The following SAMD12 variants were observed in gnomAD, a reference collection of about 807,000 sequenced individuals.
The protein encoded by SAMD12 is sterile alpha motif domain containing 12.
Under a neutral mutation model 15.0 loss-of-function variants are expected in SAMD12, and 9 were observed. That is an observed-to-expected ratio of 0.60 (90% CI 0.36 to 1.05). The LOEUF (loss-of-function observed/expected upper bound fraction) is 1.05. Ranked by LOEUF, SAMD12 falls within the 50% of genes least tolerant of loss-of-function variation. The probability of loss-of-function intolerance (pLI) is 0.01; values close to 1 mark genes in which losing one functional copy is unlikely to be tolerated. For missense variants in SAMD12, 230 were observed against 234.2 expected (o/e 0.98, Z 0.12); for synonymous variants, 86 against 90.1 (o/e 0.96, Z 0.25).
intron 2 of SAMD12, among the ~76,000 whole-genome samples, chr8:118,557,673 T>A (rs1279338235): frequency 6.6e-6 from 1 of 152,200 alleles, no homozygotes; most frequent in Admixed American, 6.5e-5. Context: ...TTTGTCAAAT[T>A]TTGAGATTAT....
At chr8:118,299,001 A>G (rs1178475022) in intron 4 of SAMD12, among the ~76,000 whole-genome samples, 1 of 152,164 alleles carries the variant, frequency 6.6e-6, no homozygotes, top group Non-Finnish European at 1.5e-5. Flanking sequence ...TTGGTTTCAT[A>G]TAAGGTAGTG....
At chr8:118,166,007 T>C in the SAMD12 span, among the ~76,000 whole-genome samples, 4 of 152,112 alleles carry the variant, frequency 2.6e-5, no homozygotes, top group Admixed American at 1.3e-4. Flanking sequence ...CAATAAATAA[T>C]AGCCATTTTA....
chr8:118,447,687 TTTA>T (rs1036143540), intron 2 of SAMD12, among the ~76,000 whole-genome samples: 1 of 144,252 alleles, frequency 6.9e-6, no homozygotes, highest in African/African-American at 2.7e-5. Flanking sequence ...ATTTTATTTT[TTTA>T]TTTTTTATTT....
At chr8:118,250,648 C>G (rs999494096) in intron 4 of SAMD12, among the ~76,000 whole-genome samples, 5 of 151,862 alleles carry the variant, frequency 3.3e-5, no homozygotes, top group Non-Finnish European at 7.4e-5. Context: ...TGCCTGCCAC[C>G]ATGTCTGGCT....
At chr8:118,257,430 G>GCTCTATT (rs1812972978) in intron 4 of SAMD12, among the ~76,000 whole-genome samples, 1 of 152,072 alleles carries the variant, frequency 6.6e-6, no homozygotes, top group Non-Finnish European at 1.5e-5. Flanking sequence ...TACCAATAGA[G>GCTCTATT]GGTTACTGTG....
At chr8:118,212,875 A>G (rs1454848742) in intron 4 of SAMD12, among the ~76,000 whole-genome samples, 3 of 152,216 alleles carry the variant, frequency 2.0e-5, no homozygotes, top group Non-Finnish European at 2.9e-5. Flanking sequence ...CAATTCAGAA[A>G]TGTTAAAATA....
chr8:118,568,330 CA>C (rs939105010), intron 2 of SAMD12, among the ~76,000 whole-genome samples: 10 of 152,142 alleles, frequency 6.6e-5, no homozygotes, highest in African/African-American at 2.4e-4. Context: ...CTAGGAGCAG[CA>C]ATGAGCATAG....
intron 4 of SAMD12, among the ~76,000 whole-genome samples, chr8:118,291,555 A>C (rs1387905031): frequency 6.6e-6 from 1 of 152,092 alleles, no homozygotes; most frequent in Non-Finnish European, 1.5e-5. Context: ...AAATCAGGCG[A>C]GTTTCCAGGG....
chr8:118,173,149 G>C, the SAMD12 span, among the ~76,000 whole-genome samples: 1,568 of 152,300 alleles, frequency 0.01, 29 homozygotes, highest in African/African-American at 0.033. Flanking sequence ...ACATGGTTTA[G>C]AATGCAACCT....
rs575133117 is a variant in SAMD12 at position 118,206,121 on chromosome 8, GA to G, written c.434-8390del. 1.2e-4 allele frequency among the ~76,000 whole-genome samples: 19 copies of G among 152,250 alleles called. No individual in the cohort carries two copies. The East Asian group carries it at 2.9e-3, about 23-fold the overall frequency. Reference sequence around the variant, plus strand: ...TTGACTGCCTCAAACTCATCTGAGGGAGCTTCTTAACATTTTTCTTTTGTCC... The same window carrying G: ...TTGACTGCCTCAAACTCATCTGAGGGGCTTCTTAACATTTTTCTTTTGTCC... On this transcript the variant is annotated intron_variant, in intron 4 of 4. Transcript: ENST00000409003.
the SAMD12 span, among the ~76,000 whole-genome samples, chr8:118,137,494 C>T: frequency 2.0e-5 from 3 of 152,256 alleles, no homozygotes; most frequent in Admixed American, 6.5e-5. Flanking sequence ...AGCGTGAAAT[C>T]GGCCTCAGTT....
At chr8:118,528,597 G>C (rs1825598310) in intron 2 of SAMD12, among the ~76,000 whole-genome samples, 1 of 152,194 alleles carries the variant, frequency 6.6e-6, no homozygotes, top group Non-Finnish European at 1.5e-5. Flanking sequence ...AATTCATATA[G>C]AGCAGATTTC....
the SAMD12 span, among the ~76,000 whole-genome samples, chr8:118,150,322 A>G: frequency 2.3e-3 from 354 of 152,230 alleles, 3 homozygotes; most frequent in Non-Finnish European, 4.5e-3. Flanking sequence ...CTGCCCTTAT[A>G]CTATTGTTGC....
intron 2 of SAMD12, among the ~76,000 whole-genome samples, chr8:118,514,764 T>C (rs998101260): frequency 9.2e-5 from 14 of 152,192 alleles, no homozygotes; most frequent in Admixed American, 5.9e-4. Flanking sequence ...AAACTTAACA[T>C]TGGGAAAACA....
intron 4 of SAMD12, among the ~76,000 whole-genome samples, chr8:118,259,338 C>T (rs1318128142): frequency 6.6e-6 from 1 of 152,048 alleles, no homozygotes; most frequent in East Asian, 1.9e-4. Context: ...TTTTGCCCTC[C>T]AAGGGACATC....
At chr8:118,307,775 C>G (rs1252848040) in intron 4 of SAMD12, among the ~76,000 whole-genome samples, 2 of 148,752 alleles carry the variant, frequency 1.3e-5, no homozygotes, top group African/African-American at 5.1e-5. Context: ...GTTCATCGTG[C>G]TTTGCGCTCC....
At chr8:118,402,039 T>A (rs945987752) in intron 3 of SAMD12, among the ~76,000 whole-genome samples, 5 of 152,300 alleles carry the variant, frequency 3.3e-5, no homozygotes, top group African/African-American at 1.2e-4. Context: ...TCCTTGTCTT[T>A]CCATAAGAAA....
intron 4 of SAMD12, chr8:118,284,655 T>C (rs1260191375): frequency 8.9e-6 from 2 of 223,962 alleles, no homozygotes; most frequent in Non-Finnish European, 1.8e-5. Flanking sequence ...AAAGAAGCAG[T>C]GAATTGGCCG....
downstream of SAMD12, among the ~76,000 whole-genome samples, chr8:118,186,992 A>G (rs1487981245): frequency 2.0e-5 from 3 of 152,304 alleles, no homozygotes; most frequent in South Asian, 2.1e-4. Context: ...AAATCTTGCA[A>G]TGCTTTCGTA....
Sources: gnomAD v4.1 joint callset for allele counts (sites outside exome capture counted in the v4.1 genomes callset) on GRCh38, gnomAD v4.1.1 for gene constraint, MANE v1.5 for transcripts, NCBI Gene and HGNC (gene_info 2026-07-23, HGNC 2026-07-21) for gene names.